SLC6A6: variants seen among roughly 807,000 people sequenced by gnomAD.
SLC6A6 encodes solute carrier family 6 member 6, also known as sodium- and chloride-dependent taurine transporter.
In SLC6A6, 16 loss-of-function variants were observed where a neutral mutation model predicts 68.8. The observed-to-expected ratio is 0.23, with a 90% CI of 0.16 to 0.35. The LOEUF (loss-of-function observed/expected upper bound fraction) is 0.35, where lower values mean the gene tolerates loss of function less well. Ranked by LOEUF, SLC6A6 falls within the 10% of genes least tolerant of loss-of-function variation. SLC6A6 has a pLI of 1.00. For missense variants in SLC6A6, 474 were observed against 802.8 expected (o/e 0.59, Z 4.95); for synonymous variants, 312 against 315.4 (o/e 0.99, Z 0.12).
At position 14,442,242 on chromosome 3, in the gene SLC6A6, T is replaced by A. The variant is rs190992748; in HGVS notation, c.-11-1382T>A. On this transcript the variant is annotated intron_variant, in intron 2 of 14. Transcript: ENST00000622186. ...GAATTCTTGACTTTTCTCTGAAATC[T>A]GATTATTTCAGTGTTGGCCACCAGT... Among the ~76,000 whole-genome samples the A allele has an allele frequency of 3.9e-4, 60 of 152,350 alleles. 1 individual carries two copies. In the East Asian group the frequency reaches 6.5e-3, roughly 17 times the overall value.
chr3:14,444,895 C>T (rs1170155939), intron 3 of SLC6A6: 3 of 454,282 alleles, frequency 6.6e-6, no homozygotes, highest in African/African-American at 2.0e-5. Flanking sequence ...ATGCTTTGCC[C>T]CCCCATTCTT....
intron 6 of SLC6A6, 77 bp downstream of exon 6, chr3:14,458,159 C>A: frequency 7.5e-7 from 1 of 1,336,056 alleles, no homozygotes; most frequent in Non-Finnish European, 1.1e-6. Flanking sequence ...TTCCCGCCTG[C>A]AATTAGCCAC....
intron 2 of SLC6A6, among the ~76,000 whole-genome samples, chr3:14,440,742 T>C (rs551017484): frequency 3.3e-5 from 5 of 152,136 alleles, no homozygotes; most frequent in Admixed American, 1.3e-4. Context: ...ATGCCAGGAA[T>C]GTACAGGCGG....
intron 2 of SLC6A6, among the ~76,000 whole-genome samples, chr3:14,436,577 T>G (rs1699859244): frequency 1.4e-5 from 1 of 70,398 alleles, no homozygotes; most frequent in African/African-American, 5.6e-5. Flanking sequence ...TTTTTTTTTT[T>G]TTTTGGTGCT....
intron 2 of SLC6A6, among the ~76,000 whole-genome samples, chr3:14,424,943 C>T (rs989855263): frequency 2.6e-5 from 4 of 152,162 alleles, no homozygotes; most frequent in Non-Finnish European, 4.4e-5. Context: ...CTGGAGAAAC[C>T]GTTCAGCTGG....
At chr3:14,478,785 A>G in intron 12 of SLC6A6, 1 of 597,788 alleles carries the variant, frequency 1.7e-6, no homozygotes, top group South Asian at 2.0e-5. Context: ...CAGTTTCAGA[A>G]CTTGGTTGTG....
chr3:14,483,003 C>T (rs1701043577), intron 14 of SLC6A6, among the ~76,000 whole-genome samples: 1 of 152,162 alleles, frequency 6.6e-6, no homozygotes, highest in Admixed American at 6.5e-5. Flanking sequence ...TAGGGCACAG[C>T]AAGGGGTCTC....
intron 6 of SLC6A6, among the ~76,000 whole-genome samples, chr3:14,466,246 C>T (rs1029518291): frequency 7.1e-6 from 1 of 140,028 alleles, no homozygotes; most frequent in East Asian, 2.1e-4. Context: ...TGGGTGACAG[C>T]GAGGCTCCGT....
At chr3:14,479,665 G>A (rs1283584018) in intron 13 of SLC6A6, among the ~76,000 whole-genome samples, 3 of 152,110 alleles carry the variant, frequency 2.0e-5, no homozygotes, top group African/African-American at 2.4e-5. Flanking sequence ...GAGAGGGGAA[G>A]TCCTGGGTTC....
rs780841499 is a variant in SLC6A6 at position 14,478,470 on chromosome 3, G to C, written c.1352G>C (p.Gly451Ala). 1 of 1,608,048 alleles carries C rather than the reference G, an allele frequency of 6.2e-7. No individual in the cohort carries two copies. The highest frequency in any genetic ancestry group is 1.7e-5 in the Admixed American group (1 of 59,896). The change falls in exon 12 of 15, where the codon GGC becomes GCC. Residue 451 changes from glycine to alanine, a missense_variant. Gly to Ala is a moderately conservative substitution (Grantham distance 60). This residue lies in a region of SLC6A6 where 194 missense variants were observed against 269.8 expected (regional missense o/e 0.72). Coordinates refer to ENST00000622186, the MANE Select transcript of SLC6A6 (RefSeq NM_003043.6). ...CTGTGGTTTTTTTCTTCACAGGGTG[G>C]CATGTATGTGTTTCAGCTCTTTGAC... ...LLGLTMVTEG[G>A]MYVFQLFDYY...
At chr3:14,427,391 A>T (rs1013856016) in intron 2 of SLC6A6, among the ~76,000 whole-genome samples, 1 of 152,240 alleles carries the variant, frequency 6.6e-6, no homozygotes, top group African/African-American at 2.4e-5. Context: ...ACCGAGGCAC[A>T]GAGCATATGC....
At chr3:14,460,353 A>G (rs1363391366) in intron 6 of SLC6A6, among the ~76,000 whole-genome samples, 1 of 152,008 alleles carries the variant, frequency 6.6e-6, no homozygotes, top group Non-Finnish European at 1.5e-5. Flanking sequence ...GGAAAAAGTC[A>G]AGCAGAGAAG....
In SLC6A6 at chr3:14,472,343, C is replaced by T. The variant is rs760689457; in HGVS notation, c.1209+26C>T. ...GTGCGTATAAGGGATGGCCCTGGGG[C>T]GACTGCCCCTGTGGGGAACCTGACT... On this transcript the variant is annotated intron_variant, in intron 10 of 14. Transcript: ENST00000622186. This position sits in a 1 kb window ranked among gnomAD's most constrained non-coding sequence, Gnocchi z 4.5. 6.4e-6 allele frequency: 9 copies of T among 1,398,452 alleles called. No individual in the cohort carries two copies. Among genetic ancestry groups the T allele is most frequent in the East Asian group, 4.6e-5 (2 of 43,836 alleles). The allele number at this position is 1,398,452 out of a possible 1,614,324, so 86.6% of individuals were successfully genotyped here.
At position 14,445,176 on chromosome 3, in the gene SLC6A6, A is replaced by G. The variant is rs1490229674; in HGVS notation, c.230-541A>G. Among the ~76,000 whole-genome samples, 5 of 152,122 alleles carry G rather than the reference A, an allele frequency of 3.3e-5. No individual in the cohort carries two copies. The East Asian group carries it at 9.7e-4, about 30-fold the overall frequency. On this transcript the variant is annotated intron_variant, in intron 3 of 14. Coordinates refer to ENST00000622186, the MANE Select transcript of SLC6A6 (RefSeq NM_003043.6). ...GGTGGCTCACGCCTGTAATCCCAGC[A>G]CTTTGGGAGGCCAAGGCGGGCGGAT...
At chr3:14,413,996 A>G (rs1042385463) in intron 1 of SLC6A6, among the ~76,000 whole-genome samples, 11 of 151,998 alleles carry the variant, frequency 7.2e-5, no homozygotes, top group Non-Finnish European at 1.6e-4. Context: ...GAGTCACCAC[A>G]CCCGGCCTAA....
In SLC6A6 at chr3:14,437,599, G is replaced by A. The variant is rs527283428; in HGVS notation, c.-11-6025G>A. ...ACTTACGTATCACCTCGCTTCCTAA[G>A]CATTTTTTGTGTGTAGTGAGAACGC... On this transcript the variant is annotated intron_variant, in intron 2 of 14. Transcript: ENST00000622186. Among the ~76,000 whole-genome samples, 9 of 152,216 alleles carry A rather than the reference G, an allele frequency of 5.9e-5. No homozygotes were observed. In the East Asian group the frequency reaches 1.7e-3, roughly 29 times the overall value.
In SLC6A6 at chr3:14,407,056, G is replaced by GTT. The variant is rs35391238; in HGVS notation, c.-54+4219_-54+4220dup. 1.3e-4 allele frequency among the ~76,000 whole-genome samples: 19 copies of GTT among 149,374 alleles called. No homozygotes were observed. In the Middle Eastern group the frequency reaches 0.014, roughly 109 times the overall value. Reference sequence around the variant, plus strand: ...CTGTATTTTTAAAGTTTTTCTTGTGGTTTTTTTTTTTGAGACAGGGTCTGA... The same window carrying GTT: ...CTGTATTTTTAAAGTTTTTCTTGTGGTTTTTTTTTTTTTGAGACAGGGTCTGA... On this transcript the variant is annotated intron_variant, in intron 1 of 14. Transcript: ENST00000622186.
At chr3:14,466,077 C>A (rs182536290) in intron 6 of SLC6A6, among the ~76,000 whole-genome samples, 75 of 152,064 alleles carry the variant, frequency 4.9e-4, no homozygotes, top group Middle Eastern at 3.4e-3. Context: ...GCCTGGCCAA[C>A]CTGGTGAAAC....
chr3:14,444,899 C>T (rs3773188), intron 3 of SLC6A6: 39 of 454,252 alleles, frequency 8.6e-5, no homozygotes, highest in African/African-American at 6.6e-4. Context: ...TTTGCCCCCC[C>T]ATTCTTCCCC....
Sources: gnomAD v4.1 joint callset for allele counts (sites outside exome capture counted in the v4.1 genomes callset) on GRCh38, gnomAD v4.1.1 for gene constraint, gnomAD v4.1.1 regional missense constraint, Gnocchi (gnomAD v3.1) non-coding constraint, MANE v1.5 for transcripts, NCBI Gene and HGNC (gene_info 2026-07-23, HGNC 2026-07-21) for gene names.